KLHL1: variants seen among roughly 807,000 people sequenced by gnomAD.
KLHL1 encodes the protein kelch like family member 1.
In KLHL1, 47 loss-of-function variants were observed where a neutral mutation model predicts 77.7. That is an observed-to-expected ratio of 0.60 (90% CI 0.48 to 0.77). KLHL1 has a LOEUF of 0.77. Ranked by LOEUF, KLHL1 falls within the 30% of genes least tolerant of loss-of-function variation. The pLI is 0.00. For synonymous variants in KLHL1, 360 were observed against 325.2 expected (o/e 1.11, Z -1.15); for missense variants, 925 against 910.8 (o/e 1.02, Z -0.20).
chr13:70,010,528 C>A (rs1885507639), intron 1 of KLHL1, among the ~76,000 whole-genome samples: 1 of 152,020 alleles, frequency 6.6e-6, no homozygotes, highest in South Asian at 2.1e-4. Context: ...GAGGCCTCCC[C>A]AGCCACATGG....
intron 8 of KLHL1, among the ~76,000 whole-genome samples, chr13:69,727,963 G>C (rs561022549): frequency 1.3e-5 from 2 of 151,220 alleles, no homozygotes; most frequent in Non-Finnish European, 2.9e-5. Flanking sequence ...TCAAGGACTT[G>C]ATACAAATTT....
intron 9 of KLHL1, among the ~76,000 whole-genome samples, chr13:69,715,953 CCTAT>C (rs1480416255): frequency 2.6e-5 from 4 of 151,990 alleles, no homozygotes; most frequent in Non-Finnish European, 4.4e-5. Context: ...CTCTTGAGGC[CCTAT>C]CTATCTCAAA....
chr13:69,712,620 C>T (rs1293385787), intron 9 of KLHL1, among the ~76,000 whole-genome samples: 1 of 151,960 alleles, frequency 6.6e-6, no homozygotes, highest in Non-Finnish European at 1.5e-5. Flanking sequence ...TCAAGGTTGT[C>T]TTGGAACTTA....
chr13:69,747,648 T>G (rs900924537), intron 7 of KLHL1, among the ~76,000 whole-genome samples: 2 of 151,882 alleles, frequency 1.3e-5, no homozygotes, highest in African/African-American at 4.8e-5. Flanking sequence ...AAATGTTCAA[T>G]AGAATTAGTA....
intron 4 of KLHL1, among the ~76,000 whole-genome samples, chr13:69,884,426 CAAA>C (rs60883710): frequency 0.094 from 6,095 of 64,894 alleles, 311 homozygotes; most frequent in African/African-American, 0.2. Context: ...TCAGATTTTT[CAAA>C]AAAAAAAAAA....
chr13:69,881,382 A>C, intron 5 of KLHL1, among the ~76,000 whole-genome samples: 1 of 152,108 alleles, frequency 6.6e-6, no homozygotes, highest in East Asian at 1.9e-4. Flanking sequence ...TAACATATGG[A>C]TTAGTAAAAA....
chr13:69,925,140 G>T (rs753208564), intron 4 of KLHL1, among the ~76,000 whole-genome samples: 1 of 152,116 alleles, frequency 6.6e-6, no homozygotes, highest in Admixed American at 6.5e-5. Context: ...GGACACAGAG[G>T]TTTTCAGCTG....
At chr13:69,763,282 TG>T (rs1487836772) in intron 7 of KLHL1, among the ~76,000 whole-genome samples, 2 of 152,248 alleles carry the variant, frequency 1.3e-5, no homozygotes, top group East Asian at 3.9e-4. Context: ...ATGACTAGTT[TG>T]GGTATTATAG....
intron 7 of KLHL1, among the ~76,000 whole-genome samples, chr13:69,794,803 G>T (rs1034129159): frequency 6.6e-6 from 1 of 152,022 alleles, no homozygotes; most frequent in Middle Eastern, 3.2e-3. Context: ...TATATACCAT[G>T]ATGCACACAG....
chr13:69,975,630 G>T lies in KLHL1; in HGVS notation c.670C>A (p.Pro224Thr), dbSNP rs1302435955. 16 of 1,613,084 alleles carry T rather than the reference G, an allele frequency of 9.9e-6. No individual in the cohort carries two copies. Among genetic ancestry groups the T allele is most frequent in the Non-Finnish European group, 1.4e-5 (16 of 1,179,556 alleles). Residue 224 changes from proline to threonine, a missense_variant, in exon 2 of 11, where the codon CCT (proline) becomes ACT (threonine). Physicochemically the swap from Pro to Thr is conservative, Grantham distance 38. Coordinates refer to ENST00000377844, the MANE Select transcript of KLHL1 (RefSeq NM_020866.3). ...GGCAGACTACTGTACCTATGTGCAG[G>T]TATCTTTCGGTTCCCAACAATCAGG... ...VILIVGNRKI[P>T]AHRLVLSSVS...
intron 1 of KLHL1, among the ~76,000 whole-genome samples, chr13:70,044,653 A>G (rs1197167776): frequency 6.6e-6 from 1 of 152,358 alleles, no homozygotes; most frequent in Non-Finnish European, 1.5e-5. Flanking sequence ...CCTTTGGATT[A>G]GAAAAACTGT....
intron 6 of KLHL1, among the ~76,000 whole-genome samples, chr13:69,800,041 A>T (rs893609096): frequency 1.3e-5 from 2 of 151,846 alleles, no homozygotes; most frequent in African/African-American, 4.8e-5. Context: ...CCACTCTCCG[A>T]CCCCTGTCCA....
At chr13:69,961,787 C>T (rs148287010) in intron 2 of KLHL1, among the ~76,000 whole-genome samples, 4 of 151,166 alleles carry the variant, frequency 2.6e-5, no homozygotes, top group Non-Finnish European at 4.4e-5. Flanking sequence ...TGAATTTGAA[C>T]GCATAACATA....
At position 69,826,111 on chromosome 13, in the gene KLHL1, C is replaced by T. The variant is rs540913676; in HGVS notation, c.1414+12865G>A. Among the ~76,000 whole-genome samples, 92 of 151,956 alleles carry T rather than the reference C, an allele frequency of 6.1e-4. 1 individual carries two copies. Among genetic ancestry groups the T allele is most frequent in the Non-Finnish European group, 1.1e-3 (76 of 68,004 alleles). ...GAATGATCTCACTTTTGCATAGGAG[C>T]TAAAAAAGTCAAACTCATAGAAGCA... On this transcript the variant is annotated intron_variant, in intron 6 of 10. Transcript: ENST00000377844.
chr13:69,951,087 C>T (rs567726646), intron 3 of KLHL1, among the ~76,000 whole-genome samples: 1 of 151,428 alleles, frequency 6.6e-6, no homozygotes. Context: ...ATTATGCTTA[C>T]CTCTTTGTCT....
intron 2 of KLHL1, among the ~76,000 whole-genome samples, chr13:69,970,609 C>T (rs1884355723): frequency 6.6e-6 from 1 of 152,026 alleles, no homozygotes; most frequent in South Asian, 2.1e-4. Context: ...ACACTTTATC[C>T]TTCAACTGCC....
intron 7 of KLHL1, among the ~76,000 whole-genome samples, chr13:69,775,916 G>C (rs915761752): frequency 1.3e-5 from 2 of 151,976 alleles, no homozygotes; most frequent in African/African-American, 4.8e-5. Context: ...ACTTTGAGAG[G>C]CCGAGGCGGG....
At chr13:70,024,620 TTC>T (rs5804459) in intron 1 of KLHL1, among the ~76,000 whole-genome samples, 12,399 of 130,206 alleles carry the variant, frequency 0.095, 808 homozygotes, top group East Asian at 0.33. Flanking sequence ...GAGAAAAGAT[TTC>T]TCTCTCTCTC....
At chr13:70,106,750 G>A (rs894296520) in intron 1 of KLHL1, among the ~76,000 whole-genome samples, 2 of 152,100 alleles carry the variant, frequency 1.3e-5, no homozygotes, top group Non-Finnish European at 1.5e-5. Context: ...CATTACTCCT[G>A]GAATAGATTC....
Sources: gnomAD v4.1 joint callset for allele counts (sites outside exome capture counted in the v4.1 genomes callset) on GRCh38, gnomAD v4.1.1 for gene constraint, MANE v1.5 for transcripts, NCBI Gene and HGNC (gene_info 2026-07-23, HGNC 2026-07-21) for gene names.